SLC22A24: variants seen among roughly 807,000 people sequenced by gnomAD.
The protein encoded by SLC22A24 is steroid transmembrane transporter SLC22A24.
In SLC22A24, 53 loss-of-function variants were observed where a neutral mutation model predicts 49.8. The observed-to-expected ratio is 1.06, with a 90% confidence interval of 0.85 to 1.34. The LOEUF (loss-of-function observed/expected upper bound fraction) is 1.34. SLC22A24 is among the 40% of genes most tolerant of loss of function. SLC22A24 has a pLI of 0.00. For synonymous variants in SLC22A24, 302 were observed against 256.4 expected (o/e 1.18, Z -1.70); for missense variants, 786 against 675.9 (o/e 1.16, Z -1.81).
At chr11:63,094,925 G>A (rs1266583433) in intron 6 of SLC22A24, among the ~76,000 whole-genome samples, 1 of 152,118 alleles carries the variant, frequency 6.6e-6, no homozygotes, top group Non-Finnish European at 1.5e-5. Flanking sequence ...CTCCCATTGT[G>A]TAGGTTGCCT....
chr11:63,080,812 A>G, intron 9 of SLC22A24, 108 bp downstream of exon 9: 1 of 909,116 alleles, frequency 1.1e-6, no homozygotes, highest in Non-Finnish European at 1.7e-6. Flanking sequence ...CCTAGGTCTG[A>G]GCCTACATGA....
chr11:63,138,641 CAAAAAAAAAAAAAA>C (rs59726580), intron 1 of SLC22A24, among the ~76,000 whole-genome samples: 7 of 60,766 alleles, frequency 1.2e-4, no homozygotes, highest in Non-Finnish European at 1.8e-4. Flanking sequence ...GACTCTGTCT[CAAAAAAAAAAAAAA>C]AAAAAAAAAA....
intron 1 of SLC22A24, among the ~76,000 whole-genome samples, chr11:63,138,427 G>T (rs111917130): frequency 2.6e-5 from 4 of 151,970 alleles, no homozygotes; most frequent in Non-Finnish European, 5.9e-5. Flanking sequence ...CAGATCATAA[G>T]GTCAGGAGAT....
chr11:63,106,516 C>A (rs2087122762), intron 4 of SLC22A24, among the ~76,000 whole-genome samples: 2 of 152,186 alleles, frequency 1.3e-5, no homozygotes, highest in East Asian at 1.9e-4. Context: ...ACACTGACTT[C>A]CACAATGGTT....
intron 9 of SLC22A24, 74 bp from the exon 10 acceptor site, chr11:63,080,074 A>G (rs1196326365): frequency 4.0e-6 from 4 of 995,636 alleles, no homozygotes; most frequent in African/African-American, 1.6e-5. Flanking sequence ...AAGCATATAT[A>G]TACTGTGTGC....
Position 63,131,850 on chromosome 11 carries a change from C to A in SLC22A24, c.506+2815G>T, listed in dbSNP as rs569696984. 6.6e-5 allele frequency among the ~76,000 whole-genome samples: 10 copies of A among 152,298 alleles called. No homozygotes were observed. The East Asian group carries it at 1.9e-3, about 29-fold the overall frequency. On this transcript the variant is annotated intron_variant, in intron 2 of 9. Transcript: ENST00000612278. ...TGCCTATCTAGGTTAGGGAAGCTCT[C>A]CTGGATAACATCCTGAAGAGTATCT...
At chr11:63,088,371 A>ACAACAT (rs56306229) in intron 6 of SLC22A24, among the ~76,000 whole-genome samples, 25,962 of 151,050 alleles carry the variant, frequency 0.17, 2,663 homozygotes, top group African/African-American at 0.27. Context: ...ACAGAAAGCT[A>ACAACAT]CAACATCAAC....
chr11:63,113,515 C>T (rs1485079630), intron 4 of SLC22A24, among the ~76,000 whole-genome samples: 3 of 151,938 alleles, frequency 2.0e-5, no homozygotes, highest in Middle Eastern at 3.2e-3. Context: ...ACTTATGAAG[C>T]TTAGTTTGGC....
intron 5 of SLC22A24, among the ~76,000 whole-genome samples, chr11:63,101,672 A>G (rs1382802565): frequency 6.6e-6 from 1 of 152,092 alleles, no homozygotes; most frequent in Non-Finnish European, 1.5e-5. Context: ...ACAATAGCCA[A>G]GATATGGGGG....
At chr11:63,126,276 A>AT (rs1278445229) in intron 2 of SLC22A24, among the ~76,000 whole-genome samples, 1 of 151,998 alleles carries the variant, frequency 6.6e-6, no homozygotes, top group South Asian at 2.1e-4. Context: ...TTCTTCTAGG[A>AT]TTTTTATGGT....
At chr11:63,105,772 G>C (rs2087117337) in intron 4 of SLC22A24, among the ~76,000 whole-genome samples, 1 of 152,100 alleles carries the variant, frequency 6.6e-6, no homozygotes, top group African/African-American at 2.4e-5. Context: ...CATTTTCTTG[G>C]TGATTAGCCT....
chr11:63,097,012 T>A (rs2087058886), intron 5 of SLC22A24, among the ~76,000 whole-genome samples: 1 of 152,176 alleles, frequency 6.6e-6, no homozygotes, highest in African/African-American at 2.4e-5. Flanking sequence ...AAAAATAATA[T>A]TAATTCATTT....
At chr11:63,134,075 G>C (rs1364206237) in intron 2 of SLC22A24, among the ~76,000 whole-genome samples, 1 of 152,058 alleles carries the variant, frequency 6.6e-6, no homozygotes, top group Non-Finnish European at 1.5e-5. Flanking sequence ...ATTTCACAAG[G>C]ATCAGCATCC....
chr11:63,093,195 G>A (rs2087031450), intron 6 of SLC22A24, among the ~76,000 whole-genome samples: 1 of 152,206 alleles, frequency 6.6e-6, no homozygotes, highest in South Asian at 2.1e-4. Context: ...AACAACAGAT[G>A]CTGGAGAGGC....
At chr11:63,082,399 G>T (rs960164357) in intron 7 of SLC22A24, among the ~76,000 whole-genome samples, 1 of 152,170 alleles carries the variant, frequency 6.6e-6, no homozygotes, top group African/African-American at 2.4e-5. Flanking sequence ...AGTGGAGAAG[G>T]CTCTCCTATA....
intron 5 of SLC22A24, among the ~76,000 whole-genome samples, chr11:63,098,721 G>A (rs1013890269): frequency 6.6e-6 from 1 of 152,002 alleles, no homozygotes; most frequent in African/African-American, 2.4e-5. Flanking sequence ...CTAATGATGT[G>A]TCTTACAGAA....
At chr11:63,109,901 T>C (rs1391087411) in intron 4 of SLC22A24, among the ~76,000 whole-genome samples, 1 of 152,070 alleles carries the variant, frequency 6.6e-6, no homozygotes, top group Non-Finnish European at 1.5e-5. Flanking sequence ...CTTTTGGTGT[T>C]TTAGACATGA....
intron 2 of SLC22A24, among the ~76,000 whole-genome samples, chr11:63,129,048 G>T (rs1293079775): frequency 6.6e-6 from 1 of 152,156 alleles, no homozygotes; most frequent in Non-Finnish European, 1.5e-5. Context: ...TGAAGTCTTT[G>T]CTCATGCCTA....
At chr11:63,135,864 G>A (rs1453629494) in intron 1 of SLC22A24, among the ~76,000 whole-genome samples, 2 of 152,192 alleles carry the variant, frequency 1.3e-5, no homozygotes, top group South Asian at 4.1e-4. Flanking sequence ...CAAAGGAGAC[G>A]AGAGCCTTGA....
Sources: allele counts gnomAD v4.1 joint callset (sites outside exome capture counted in the v4.1 genomes callset), GRCh38; gene constraint gnomAD v4.1.1; transcripts MANE v1.5; gene names NCBI Gene and HGNC (gene_info 2026-07-23, HGNC 2026-07-21).